DENND1C: variants seen among roughly 807,000 people sequenced by gnomAD.
The protein encoded by DENND1C is DENN domain containing 1C.
In DENND1C, 64 loss-of-function variants were observed where a neutral mutation model predicts 87.9. That is an observed-to-expected ratio of 0.73 (90% CI 0.60 to 0.90). The LOEUF (loss-of-function observed/expected upper bound fraction) is 0.90. DENND1C is among the 40% of genes least tolerant of loss of function. The pLI, the probability that DENND1C is intolerant of heterozygous loss-of-function variation, is 0.00. For synonymous variants in DENND1C, 384 were observed against 424.4 expected (o/e 0.90, Z 1.17); for missense variants, 980 against 1,037.0 (o/e 0.95, Z 0.76).
Position 6,470,381 on chromosome 19 carries a change from A to C in DENND1C, c.1291-15T>G. ...CCACCACCTTTCTGCGGGAGAGAAG[A>C]TACCAAGGGGGAGAGGCTAGGGCCA... On this transcript the variant is annotated splice_polypyrimidine_tract_variant and intron_variant, in intron 17 of 22. Coordinates refer to ENST00000381480, the MANE Select transcript of DENND1C (RefSeq NM_024898.4). 1.2e-6 allele frequency: 2 copies of C among 1,611,208 alleles called. No individual in the cohort carries two copies. Among genetic ancestry groups the C allele is most frequent in the East Asian group, 4.5e-5 (2 of 44,812 alleles).
intron 12 of DENND1C, 40 bp downstream of exon 12, chr19:6,475,666 A>G (rs1466507725): frequency 6.2e-7 from 1 of 1,610,808 alleles, no homozygotes; most frequent in Non-Finnish European, 8.5e-7. Context: ...AGGAAGGGGG[A>G]ACCCTCACGT....
rs756876283 is a variant in DENND1C, at chr19:6,467,915, G to C, written c.1995C>G (p.Ser665Arg). ...SQSSTASADP[S>R]IWGDPKPSPL... ...GAGAGGGTTTGGGGTCCCCCCAGATGCTTGGGTCTGCAGAAGCTGTTGAGG... is the reference window on the plus strand; with the variant it reads ...GAGAGGGTTTGGGGTCCCCCCAGATCCTTGGGTCTGCAGAAGCTGTTGAGG... Residue 665 changes from serine to arginine, a missense_variant, in exon 23 of 23, where the codon AGC (serine) becomes AGG (arginine). Ser to Arg is a moderately radical substitution (Grantham distance 110, BLOSUM62 -1). Transcript: ENST00000381480. 1 of 1,613,672 alleles carries C rather than the reference G, an allele frequency of 6.2e-7. No individual in the cohort carries two copies. Among genetic ancestry groups the C allele is most frequent in the Non-Finnish European group, 8.5e-7 (1 of 1,179,748 alleles).
chr19:6,468,925 C>T lies in DENND1C; in HGVS notation c.1436G>A (p.Gly479Asp), dbSNP rs777162523. ...GGGGAGGGCTGGGGCCCTCAGAGAG[C>T]CCCCCCTCTGCAGGACAGAGTCCCC... ...KDGDSVLQRG[G>D]SLRAPALPSR... The change falls in exon 20 of 23, where the codon GGC becomes GAC. Residue 479 changes from glycine (G) to aspartate (D), a missense_variant. Coordinates refer to ENST00000381480, the MANE Select transcript of DENND1C (RefSeq NM_024898.4). 23 of 1,467,362 alleles carry T rather than the reference C, an allele frequency of 1.6e-5. No individual in the cohort carries two copies. The highest frequency in any genetic ancestry group is 2.9e-5 in the African/African-American group (2 of 69,414). 90.9% of individuals were successfully genotyped at this position (1,467,362 alleles called of 1,614,324 possible).
Position 6,477,606 on chromosome 19 carries a change from TTAATAA to T in DENND1C, c.367-154_367-149del, listed in dbSNP as rs59685749. ...TTTTTTTTTCTTTCTTTAAAAGAAA[TTAATAA>T]TAATAATAATAATAATAATAGAGAC... On this transcript the variant is annotated intron_variant, in intron 6 of 22. Coordinates refer to ENST00000381480, the MANE Select transcript of DENND1C (RefSeq NM_024898.4). 227 of 183,508 alleles carry T rather than the reference TTAATAA, an allele frequency of 1.2e-3. 19 individuals are homozygous for T. Among genetic ancestry groups the T allele is most frequent in the Non-Finnish European group, 2.0e-3 (186 of 94,460 alleles). 11.4% of individuals were successfully genotyped at this position (183,508 alleles called of 1,614,324 possible).
At position 6,479,653 on chromosome 19, in the gene DENND1C, C is replaced by T; in HGVS notation, c.176+16G>A. ...TCTGAGTCCCTGAGTCCTTGGATCT[C>T]CCCGCCCTTCCGTACCTTTCCACAT... On this transcript the variant is annotated intron_variant, in intron 4 of 22. Coordinates refer to ENST00000381480, the MANE Select transcript of DENND1C (RefSeq NM_024898.4). 1.9e-6 allele frequency: 3 copies of T among 1,613,800 alleles called. No individual in the cohort carries two copies. The highest frequency in any genetic ancestry group is 2.5e-6 in the Non-Finnish European group (3 of 1,179,808).
In DENND1C at chr19:6,468,603, C is replaced by G. The variant is rs771815438; in HGVS notation, c.1558G>C (p.Gly520Arg). The change falls in exon 21 of 23, where the codon GGA (glycine) becomes CGA (arginine). Residue 520 changes from glycine (G) to arginine (R), a missense_variant. By Grantham distance (125) the Gly-to-Arg change is moderately radical. Transcript: ENST00000381480. ...CCCGCCCCTGGGGGCTCGGAAGTTCCCTCTTCCAGCTGGCGTCTCCTGCTG... is the reference window on the plus strand; with the variant it reads ...CCCGCCCCTGGGGGCTCGGAAGTTCGCTCTTCCAGCTGGCGTCTCCTGCTG... Reference protein sequence around the residue: ...RPSRRRQLEEGTSEPPGAGTP... With the variant: ...RPSRRRQLEERTSEPPGAGTP... 1.3e-5 allele frequency: 19 copies of G among 1,515,780 alleles called. No homozygotes were observed. In the Admixed American group the frequency reaches 4.3e-4, roughly 35 times the overall value. The allele number at this position is 1,515,780 out of a possible 1,614,324, so 93.9% of individuals were successfully genotyped here. A position where few individuals can be genotyped will look rare whatever the true frequency, so the allele number is the denominator to read the frequency against.
At position 6,477,300 on chromosome 19, in the gene DENND1C, A is replaced by T; in HGVS notation, c.448-17T>A. ...TCCGCTGCCCTGGGGAAGAGGCACGACTCTGTGGTCATGATGGCTGGGACG... is the reference window on the plus strand; with the variant it reads ...TCCGCTGCCCTGGGGAAGAGGCACGTCTCTGTGGTCATGATGGCTGGGACG... On this transcript the variant is annotated splice_polypyrimidine_tract_variant and intron_variant, in intron 7 of 22. Coordinates refer to ENST00000381480, the MANE Select transcript of DENND1C (RefSeq NM_024898.4). The T allele has an allele frequency of 6.2e-7, 1 of 1,602,042 alleles. No individual in the cohort carries two copies. Among genetic ancestry groups the T allele is most frequent in the Non-Finnish European group, 8.5e-7 (1 of 1,171,498 alleles).
intron 14 of DENND1C, 49 bp from the exon 15 acceptor site, chr19:6,473,042 C>G: frequency 1.5e-6 from 2 of 1,344,908 alleles, no homozygotes; most frequent in Non-Finnish European, 2.0e-6. Flanking sequence ...TCCTGGCCCT[C>G]CCTCATTCTA....
chr19:6,472,836 G>A, intron 15 of DENND1C, 53 bp downstream of exon 15: 4 of 1,394,198 alleles, frequency 2.9e-6, no homozygotes, highest in Non-Finnish European at 3.8e-6. Context: ...AAGCCCTCGG[G>A]GACTCAGCAG....
At chr19:6,478,304 C>T (rs1300502965) in intron 6 of DENND1C, among the ~76,000 whole-genome samples, 2 of 152,112 alleles carry the variant, frequency 1.3e-5, no homozygotes, top group East Asian at 1.9e-4. Flanking sequence ...AGTGCAATGG[C>T]GCGATCTCGG....
At chr19:6,468,669 AC>A (rs1305827263) in intron 20 of DENND1C, 24 bp from the exon 21 acceptor site, 6 of 1,457,904 alleles carry the variant, frequency 4.1e-6, no homozygotes, top group Non-Finnish European at 5.4e-6. Flanking sequence ...GGGCGATAGG[AC>A]CTCAGGAGAC....
intron 10 of DENND1C, 115 bp from the exon 11 acceptor site, chr19:6,476,052 GATA>G: frequency 4.1e-6 from 4 of 976,534 alleles, no homozygotes; most frequent in Non-Finnish European, 4.5e-6. Flanking sequence ...TCCACTGCTG[GATA>G]ATGAGTGACA....
chr19:6,476,187 C>T, intron 10 of DENND1C: 1 of 503,760 alleles, frequency 2.0e-6, no homozygotes, highest in Non-Finnish European at 3.5e-6. Flanking sequence ...AGTTAATAGG[C>T]AACACCCCTG....
At chr19:6,469,180 C>T (rs180913557) in intron 19 of DENND1C, among the ~76,000 whole-genome samples, 207 of 152,108 alleles carry the variant, frequency 1.4e-3, no homozygotes, top group Middle Eastern at 6.8e-3. Context: ...TACAGGCGTG[C>T]GCCACCATAC....
At chr19:6,473,455 GGTT>G (rs1447332519) in intron 14 of DENND1C, among the ~76,000 whole-genome samples, 1,754 of 135,560 alleles carry the variant, frequency 0.013, 64 homozygotes, top group African/African-American at 0.046. Flanking sequence ...GCCCAGCCCT[GGTT>G]TTTTTTTTTT....
At chr19:6,468,690 G>C in intron 20 of DENND1C, 45 bp from the exon 21 acceptor site, 1 of 1,424,710 alleles carries the variant, frequency 7.0e-7, no homozygotes, top group Non-Finnish European at 9.3e-7. Flanking sequence ...CTGCAGAATC[G>C]GGGGGCTGAG....
chr19:6,471,433 C>T lies in DENND1C; in HGVS notation c.1222G>A (p.Glu408Lys). Residue 408 changes from glutamate to lysine, a missense_variant, in exon 16 of 23, where the codon GAG becomes AAG. By Grantham distance (56) the Glu-to-Lys change is moderately conservative. Coordinates refer to ENST00000381480, the MANE Select transcript of DENND1C (RefSeq NM_024898.4). ...GAGGAGGCCCCGCAGCCAGTGATCT[C>T]CTGCTCGAATTGATCTGAGAAGCCC... ...GEGFSDQFEQEITGCGASSGA... is the reference protein window; with the variant it reads ...GEGFSDQFEQKITGCGASSGA... 1.3e-6 allele frequency: 2 copies of T among 1,587,650 alleles called. No individual in the cohort carries two copies. The highest frequency in any genetic ancestry group is 1.7e-6 in the Non-Finnish European group (2 of 1,167,008).
chr19:6,470,418 C>G (rs1235629096), intron 17 of DENND1C, 52 bp from the exon 18 acceptor site: 1 of 1,564,646 alleles, frequency 6.4e-7, no homozygotes, highest in Non-Finnish European at 8.7e-7. Flanking sequence ...ATCCCACCTC[C>G]CCATCCCAGG....
chr19:6,469,101 G>C, intron 19 of DENND1C, 148 bp from the exon 20 acceptor site: 1 of 475,214 alleles, frequency 2.1e-6, no homozygotes, highest in Non-Finnish European at 3.5e-6. Flanking sequence ...GTGCCATCTC[G>C]GCTCACTGCA....
Sources: allele counts gnomAD v4.1 joint callset (sites outside exome capture counted in the v4.1 genomes callset), GRCh38; gene constraint gnomAD v4.1.1; transcripts MANE v1.5; gene names NCBI Gene and HGNC (gene_info 2026-07-23, HGNC 2026-07-21).